The following STAU2 variants were observed in gnomAD, a reference collection of about 807,000 sequenced individuals.
STAU2 encodes double-stranded RNA-binding protein Staufen homolog 2.
STAU2 carries 20 observed loss-of-function variants against 65.9 expected under a neutral mutation model. That is an observed-to-expected ratio of 0.30 (90% CI 0.21 to 0.44). STAU2 has a LOEUF of 0.44. STAU2 is among the 20% of genes least tolerant of loss of function. The probability of loss-of-function intolerance (pLI) is 1.00; values close to 1 mark genes in which losing one functional copy is unlikely to be tolerated. For missense variants in STAU2, 558 were observed against 683.9 expected, an observed-to-expected ratio of 0.82 and a Z score of 2.05; for synonymous variants, 232 against 233.9, an observed-to-expected ratio of 0.99 and a Z score of 0.07.
At chr8:73,439,717 A>T (rs1281651137) in intron 13 of STAU2, 1 of 152,362 alleles carries the variant, frequency 6.6e-6, no homozygotes, top group African/African-American at 2.4e-5. Context: ...ATTCTGTTCT[A>T]AGGACTTGCC....
chr8:73,647,522 G>A (rs1815483550), intron 6 of STAU2, among the ~76,000 whole-genome samples: 1 of 151,788 alleles, frequency 6.6e-6, no homozygotes, highest in Non-Finnish European at 1.5e-5. Flanking sequence ...GAGGTGAAGA[G>A]AAGAGTAGTT....
chr8:73,703,260 A>G (rs1271096262), intron 4 of STAU2, among the ~76,000 whole-genome samples: 2 of 152,092 alleles, frequency 1.3e-5, no homozygotes, highest in Non-Finnish European at 2.9e-5. Context: ...ATCTGGTCAT[A>G]TAAAAGTGTG....
chr8:73,576,046 A>G (rs1320019395), intron 12 of STAU2, among the ~76,000 whole-genome samples: 1 of 152,198 alleles, frequency 6.6e-6, no homozygotes, highest in African/African-American at 2.4e-5. Flanking sequence ...AAAGATTTCT[A>G]CTTGTTACAG....
chr8:73,623,668 C>T (rs1431052688), intron 6 of STAU2, among the ~76,000 whole-genome samples: 1 of 152,086 alleles, frequency 6.6e-6, no homozygotes, highest in Non-Finnish European at 1.5e-5. Context: ...ATTCAAATGA[C>T]ATGTCGATTA....
chr8:73,635,839 T>C (rs907493712), intron 6 of STAU2, among the ~76,000 whole-genome samples: 14 of 150,322 alleles, frequency 9.3e-5, no homozygotes, highest in Admixed American at 4.7e-4. Flanking sequence ...AATAAATAAA[T>C]AATCTGGAGA....
intron 13 of STAU2, among the ~76,000 whole-genome samples, chr8:73,454,667 G>A (rs964991961): frequency 2.6e-5 from 4 of 152,194 alleles, no homozygotes; most frequent in Admixed American, 6.5e-5. Flanking sequence ...AGACCATGAT[G>A]ACATCTTCCA....
chr8:73,468,350 C>T (rs1265640726), intron 13 of STAU2, among the ~76,000 whole-genome samples: 1 of 152,154 alleles, frequency 6.6e-6, no homozygotes, highest in South Asian at 2.1e-4. Flanking sequence ...ACCATAAAAA[C>T]CCTAGAAGAA....
intron 3 of STAU2, among the ~76,000 whole-genome samples, chr8:73,723,847 G>C (rs1821852105): frequency 1.3e-5 from 2 of 152,030 alleles, no homozygotes; most frequent in African/African-American, 2.4e-5. Context: ...TCATAATTAT[G>C]GGTCATATTT....
intron 5 of STAU2, among the ~76,000 whole-genome samples, chr8:73,685,370 ACTTTTTTTTT>A (rs1047484286): frequency 2.0e-5 from 3 of 150,210 alleles, no homozygotes; most frequent in African/African-American, 7.3e-5. Flanking sequence ...GAAAAGAAAC[ACTTTTTTTTT>A]CTTTTTTTTT....
chr8:73,596,690 A>T (rs1172103896), intron 10 of STAU2, among the ~76,000 whole-genome samples: 3 of 152,116 alleles, frequency 2.0e-5, no homozygotes, highest in Non-Finnish European at 4.4e-5. Flanking sequence ...TTTTACAAAA[A>T]AAATTTTAAT....
At chr8:73,515,702 G>A (rs1476945355) in intron 13 of STAU2, among the ~76,000 whole-genome samples, 1 of 151,430 alleles carries the variant, frequency 6.6e-6, no homozygotes, top group Non-Finnish European at 1.5e-5. Flanking sequence ...CAGTTGTCTA[G>A]GAAGCAGAAA....
intron 6 of STAU2, among the ~76,000 whole-genome samples, chr8:73,637,732 C>A (rs1814654917): frequency 6.6e-6 from 1 of 151,628 alleles, no homozygotes; most frequent in African/African-American, 2.4e-5. Context: ...CAAACACAAA[C>A]ACAAAAACAA....
chr8:73,677,341 TC>T (rs1440055310), intron 5 of STAU2, among the ~76,000 whole-genome samples: 2 of 152,116 alleles, frequency 1.3e-5, no homozygotes, highest in Non-Finnish European at 2.9e-5. Flanking sequence ...ACCCAACAGT[TC>T]CAATCCTAGA....
intron 6 of STAU2, among the ~76,000 whole-genome samples, chr8:73,654,703 T>TTC (rs1816202039): frequency 1.4e-5 from 2 of 143,656 alleles, no homozygotes; most frequent in South Asian, 4.6e-4. Flanking sequence ...TTTTTTTTTT[T>TTC]TGAGACGGAG....
At chr8:73,719,717 C>T (rs775594078) in intron 3 of STAU2, among the ~76,000 whole-genome samples, 35 of 152,224 alleles carry the variant, frequency 2.3e-4, no homozygotes, top group Admixed American at 5.9e-4. Flanking sequence ...ATTAGATTTG[C>T]TGAAACTTTG....
intron 3 of STAU2, among the ~76,000 whole-genome samples, chr8:73,716,658 T>C (rs1032677129): frequency 2.2e-5 from 3 of 138,558 alleles, no homozygotes; most frequent in South Asian, 2.4e-4. Context: ...ATACTGTTAA[T>C]TAACTTTTTT....
chr8:73,563,575 G>A (rs146483114), intron 12 of STAU2, among the ~76,000 whole-genome samples: 277 of 152,254 alleles, frequency 1.8e-3, no homozygotes, highest in African/African-American at 6.5e-3. Flanking sequence ...TCTGCAAGGT[G>A]TTACCAGAGA....
At chr8:73,519,659 C>T (rs1205074176) in intron 13 of STAU2, among the ~76,000 whole-genome samples, 1 of 152,168 alleles carries the variant, frequency 6.6e-6, no homozygotes, top group Non-Finnish European at 1.5e-5. Flanking sequence ...CTAGGCCAGA[C>T]ATTCTATTTC....
intron 13 of STAU2, among the ~76,000 whole-genome samples, chr8:73,510,518 T>C (rs1822330107): frequency 6.6e-6 from 1 of 152,210 alleles, no homozygotes; most frequent in Admixed American, 6.5e-5. Flanking sequence ...TATGGATGTA[T>C]TAGTCCATTC....
Sources: gnomAD v4.1 joint callset for allele counts (sites outside exome capture counted in the v4.1 genomes callset) on GRCh38, gnomAD v4.1.1 for gene constraint, MANE v1.5 for transcripts, NCBI Gene and HGNC (gene_info 2026-07-23, HGNC 2026-07-21) for gene names.